Variants in SNX24 observed in about 807,000 individuals in gnomAD.
The protein encoded by SNX24 is sorting nexin 24, also known as sorting nexin-24.
SNX24 carries 22 observed loss-of-function variants against 28.7 expected under a neutral mutation model. The ratio of observed to expected loss-of-function variants is 0.77; its 90% CI spans 0.55 to 1.10. The LOEUF (loss-of-function observed/expected upper bound fraction) is 1.10, where lower values mean the gene tolerates loss of function less well. Among genes scored for constraint, SNX24 ranks in the 50% least tolerant of loss-of-function variants. The pLI is 0.00. For synonymous variants in SNX24, 69 were observed against 71.5 expected, an observed-to-expected ratio of 0.96 and a Z score of 0.18; for missense variants, 221 against 201.1, an observed-to-expected ratio of 1.10 and a Z score of -0.60.
At chr5:122,901,514 G>A (rs538988785) in intron 1 of SNX24, among the ~76,000 whole-genome samples, 9 of 152,264 alleles carry the variant, frequency 5.9e-5, no homozygotes, top group Middle Eastern at 3.4e-3. Context: ...CAGGTCCAGC[G>A]GGGCTGGTAT....
At chr5:122,998,494 C>A (rs1435210016) in intron 3 of SNX24, among the ~76,000 whole-genome samples, 1 of 152,098 alleles carries the variant, frequency 6.6e-6, no homozygotes, top group East Asian at 1.9e-4. Flanking sequence ...AAGTATAACA[C>A]CCCAATTTTT....
intron 3 of SNX24, among the ~76,000 whole-genome samples, chr5:122,984,227 C>T (rs1761503538): frequency 6.6e-6 from 1 of 151,874 alleles, no homozygotes; most frequent in Non-Finnish European, 1.5e-5. Flanking sequence ...GATTAGCTAA[C>T]ATGTTATGTA....
At chr5:122,943,252 TTC>T (rs1286323547) in intron 2 of SNX24, among the ~76,000 whole-genome samples, 6 of 152,172 alleles carry the variant, frequency 3.9e-5, no homozygotes, top group African/African-American at 1.2e-4. Flanking sequence ...TCGCAGTAGT[TTC>T]TGTTTCACAT....
At chr5:122,898,919 G>A (rs920603303) in intron 1 of SNX24, among the ~76,000 whole-genome samples, 3 of 152,224 alleles carry the variant, frequency 2.0e-5, no homozygotes, top group Non-Finnish European at 4.4e-5. Context: ...TTTAGGAACT[G>A]GAGTCAGAGA....
intron 2 of SNX24, among the ~76,000 whole-genome samples, chr5:122,939,636 A>T: frequency 6.6e-6 from 1 of 152,196 alleles, no homozygotes; most frequent in Middle Eastern, 3.4e-3. Flanking sequence ...TGAGTATTTG[A>T]TTCCATTTTC....
At chr5:122,848,599 C>T (rs554322943) in intron 1 of SNX24, among the ~76,000 whole-genome samples, 38 of 151,508 alleles carry the variant, frequency 2.5e-4, no homozygotes, top group Non-Finnish European at 4.7e-4. Context: ...ATCCCAGCTA[C>T]TTGGGAGGCT....
intron 3 of SNX24, among the ~76,000 whole-genome samples, chr5:122,962,003 T>A (rs550808642): frequency 6.6e-6 from 1 of 152,228 alleles, no homozygotes; most frequent in Non-Finnish European, 1.5e-5. Flanking sequence ...GTAGATTTTA[T>A]GGTAATTCTA....
At chr5:122,900,122 C>T (rs548096483) in intron 1 of SNX24, among the ~76,000 whole-genome samples, 58 of 151,680 alleles carry the variant, frequency 3.8e-4, no homozygotes, top group Non-Finnish European at 5.7e-4. Flanking sequence ...CAGGCTCAAG[C>T]GATACTCCTG....
intron 1 of SNX24, among the ~76,000 whole-genome samples, chr5:122,853,197 G>T (rs1755010735): frequency 7.5e-6 from 1 of 133,722 alleles, no homozygotes; most frequent in Non-Finnish European, 1.5e-5. Context: ...CACGATCTCG[G>T]CTCACTGCAA....
chr5:122,941,590 A>G (rs1313036711), intron 2 of SNX24, among the ~76,000 whole-genome samples: 2 of 152,226 alleles, frequency 1.3e-5, no homozygotes, highest in South Asian at 2.1e-4. Flanking sequence ...TTGGAAACAT[A>G]TGAGATAAAA....
chr5:122,874,902 A>G (rs1482834665), intron 1 of SNX24, among the ~76,000 whole-genome samples: 2 of 152,232 alleles, frequency 1.3e-5, no homozygotes, highest in Admixed American at 1.3e-4. Context: ...CAAATGAAAT[A>G]ATAGATGCCA....
At chr5:122,942,269 C>T (rs960468459) in intron 2 of SNX24, among the ~76,000 whole-genome samples, 2 of 152,090 alleles carry the variant, frequency 1.3e-5, no homozygotes, top group African/African-American at 2.4e-5. Context: ...TATTGACTAC[C>T]TTTGGCTTGA....
chr5:122,880,039 G>GAATGTTGAAGTCTGAGTTTAAGC (rs1756406741), intron 1 of SNX24, among the ~76,000 whole-genome samples: 1 of 152,154 alleles, frequency 6.6e-6, no homozygotes, highest in Non-Finnish European at 1.5e-5. Context: ...CTCGTTTATG[G>GAATGTTGAAGTCTGAGTTTAAGC]AATGTTGAAG....
intron 1 of SNX24, among the ~76,000 whole-genome samples, chr5:122,899,726 A>G (rs1340051750): frequency 6.6e-6 from 1 of 152,110 alleles, no homozygotes; most frequent in Admixed American, 6.6e-5. Context: ...TTGAATAGTA[A>G]AAAGTTCCTT....
At chr5:122,955,738 C>T (rs1760177504) in intron 3 of SNX24, among the ~76,000 whole-genome samples, 1 of 152,150 alleles carries the variant, frequency 6.6e-6, no homozygotes, top group African/African-American at 2.4e-5. Context: ...CTCGTTACTG[C>T]CATTGGCCCT....
chr5:122,948,540 C>G (rs1759795134), intron 3 of SNX24: 1 of 152,364 alleles, frequency 6.6e-6, no homozygotes, highest in South Asian at 2.1e-4. Context: ...AATCATCCCT[C>G]TGGCCTCAAT....
intron 5 of SNX24, chr5:123,025,889 G>C (rs758752556): frequency 6.2e-7 from 1 of 1,614,020 alleles, no homozygotes; most frequent in Non-Finnish European, 8.5e-7. Context: ...GCCCAGCGTT[G>C]GCCATGCTGA....
chr5:122,929,358 C>A (rs1758847671), intron 1 of SNX24, among the ~76,000 whole-genome samples: 1 of 152,112 alleles, frequency 6.6e-6, no homozygotes, highest in Non-Finnish European at 1.5e-5. Flanking sequence ...AAATTTTGCC[C>A]TCTCTTATTA....
chr5:122,883,730 A>T (rs935447709), intron 1 of SNX24, among the ~76,000 whole-genome samples: 2 of 152,058 alleles, frequency 1.3e-5, no homozygotes, highest in Non-Finnish European at 2.9e-5. Context: ...GCTCACTGCA[A>T]GCTTGAACTC....
Sources: gnomAD v4.1 joint callset for allele counts (sites outside exome capture counted in the v4.1 genomes callset) on GRCh38, gnomAD v4.1.1 for gene constraint, MANE v1.5 for transcripts, NCBI Gene and HGNC (gene_info 2026-07-23, HGNC 2026-07-21) for gene names.